The following FIG4 variants were observed in gnomAD, a reference collection of about 807,000 sequenced individuals.
FIG4 encodes the protein FIG4 phosphoinositide 5-phosphatase, also known as polyphosphoinositide phosphatase.
Under a neutral mutation model 118.6 loss-of-function variants are expected in FIG4, and 112 were observed. The ratio of observed to expected loss-of-function variants is 0.94; its 90% CI spans 0.81 to 1.11. The LOEUF (loss-of-function observed/expected upper bound fraction) is 1.11, where lower values mean the gene tolerates loss of function less well. Ranked by LOEUF, FIG4 falls within the 50% of genes least tolerant of loss-of-function variation. The pLI, the probability that FIG4 is intolerant of heterozygous loss-of-function variation, is 0.00. For synonymous variants in FIG4, 369 were observed against 381.2 expected, an observed-to-expected ratio of 0.97 and a Z score of 0.37; for missense variants, 969 against 1,111.7, an observed-to-expected ratio of 0.87 and a Z score of 1.83.
chr6:109,822,488 T>C (rs183934404), intron 22 of FIG4, among the ~76,000 whole-genome samples: 13 of 152,266 alleles, frequency 8.5e-5, no homozygotes, highest in African/African-American at 3.1e-4. Context: ...CTGAAAACTT[T>C]ACCAACCTTG....
At chr6:109,705,281 C>T (rs1195572663) in intron 1 of FIG4, among the ~76,000 whole-genome samples, 1 of 152,104 alleles carries the variant, frequency 6.6e-6, no homozygotes, top group Non-Finnish European at 1.5e-5. Flanking sequence ...GAAACAAGGC[C>T]TTTCTGGAAG....
chr6:109,754,731 G>A (rs1401979700), intron 10 of FIG4, among the ~76,000 whole-genome samples: 2 of 152,120 alleles, frequency 1.3e-5, no homozygotes, highest in Admixed American at 6.5e-5. Context: ...TTTGCGTAGA[G>A]GTGTTTGTAG....
intron 10 of FIG4, among the ~76,000 whole-genome samples, chr6:109,759,050 A>C (rs962219550): frequency 6.6e-6 from 1 of 152,200 alleles, no homozygotes; most frequent in Non-Finnish European, 1.5e-5. Flanking sequence ...TGATTCCTCA[A>C]GGATCTAGAA....
intron 8 of FIG4, among the ~76,000 whole-genome samples, chr6:109,742,057 C>T (rs1776340996): frequency 6.6e-6 from 1 of 151,986 alleles, no homozygotes; most frequent in Non-Finnish European, 1.5e-5. Context: ...GACTAATATG[C>T]AGATGTTCTG....
chr6:109,739,385 G>A (rs1776255717), intron 7 of FIG4, among the ~76,000 whole-genome samples: 1 of 152,178 alleles, frequency 6.6e-6, no homozygotes, highest in South Asian at 2.1e-4. Flanking sequence ...ATCACCTTTT[G>A]AGATCACGTA....
At chr6:109,706,613 A>G (rs2128379317) in intron 1 of FIG4, among the ~76,000 whole-genome samples, 1 of 152,288 alleles carries the variant, frequency 6.6e-6, no homozygotes, top group South Asian at 2.1e-4. Context: ...CCTCAAATAC[A>G]ATGGCATAGT....
At chr6:109,708,593 TA>T (rs1775162283) in intron 1 of FIG4, among the ~76,000 whole-genome samples, 2 of 152,344 alleles carry the variant, frequency 1.3e-5, no homozygotes, top group South Asian at 4.1e-4. Context: ...TAACAGTGTA[TA>T]AGTGTTCCTT....
intron 10 of FIG4, among the ~76,000 whole-genome samples, chr6:109,758,346 A>G (rs1324214006): frequency 6.6e-6 from 1 of 152,214 alleles, no homozygotes; most frequent in Non-Finnish European, 1.5e-5. Flanking sequence ...TGACAAAAGC[A>G]AGTAATGGGG....
chr6:109,707,028 C>T (rs537853513), intron 1 of FIG4, among the ~76,000 whole-genome samples: 1 of 152,224 alleles, frequency 6.6e-6, no homozygotes, highest in Non-Finnish European at 1.5e-5. Flanking sequence ...TCTAACTGCA[C>T]CCCCAGTACA....
At position 109,743,733 on chromosome 6, in the gene FIG4, G is replaced by C. The variant is rs140977049; in HGVS notation, c.1098G>C (p.Gln366His). The C allele has an allele frequency of 1.2e-6, 2 of 1,612,866 alleles. No individual in the cohort carries two copies. Among genetic ancestry groups the C allele is most frequent in the East Asian group, 2.2e-5 (1 of 44,872 alleles). The change falls in exon 10 of 23, where the codon CAG becomes CAC. Residue 366 changes from glutamine (Q) to histidine (H), a missense_variant. Physicochemically the swap from Gln to His is conservative, Grantham distance 24. Around this residue, in one of 3 missense-constraint regions of FIG4, gnomAD observed 246 missense variants for 354.3 expected, o/e 0.69. Transcript: ENST00000230124. ...CCCTTCACTTTGACCAGATGTTCCA[G>C]AGGTTTGGCTCTCCCATCATCATCT... is the stretch of plus-strand genomic sequence containing the variant. ...VAALHFDQMF[Q>H]RFGSPIIILN... is the part of the protein sequence containing the mutation.
At chr6:109,691,876 T>C (rs1259228285) in intron 1 of FIG4, among the ~76,000 whole-genome samples, 1 of 152,218 alleles carries the variant, frequency 6.6e-6, no homozygotes, top group African/African-American at 2.4e-5. Context: ...GGCAGGGGTA[T>C]GAAAAAAATT....
intron 8 of FIG4, among the ~76,000 whole-genome samples, chr6:109,742,138 G>C (rs1024974615): frequency 2.4e-4 from 37 of 152,058 alleles, no homozygotes; most frequent in South Asian, 2.1e-4. Flanking sequence ...TGGAGGGTGA[G>C]CCATTTCTAT....
At chr6:109,793,208 C>T (rs1053948821) in intron 21 of FIG4, among the ~76,000 whole-genome samples, 1 of 152,168 alleles carries the variant, frequency 6.6e-6, no homozygotes, top group African/African-American at 2.4e-5. Context: ...ACCAAAGTAC[C>T]AGTACATTCC....
intron 22 of FIG4, among the ~76,000 whole-genome samples, chr6:109,799,345 T>C (rs2128398860): frequency 6.6e-6 from 1 of 152,292 alleles, no homozygotes; most frequent in Admixed American, 6.5e-5. Context: ...TGCCCAAGAA[T>C]GTTTTTGGTG....
chr6:109,758,302 C>G (rs1443533422), intron 10 of FIG4, among the ~76,000 whole-genome samples: 1 of 152,114 alleles, frequency 6.6e-6, no homozygotes, highest in Non-Finnish European at 1.5e-5. Flanking sequence ...GAAATGACAC[C>G]ACACATCTAC....
chr6:109,800,244 GCT>G (rs1417726781), intron 22 of FIG4, among the ~76,000 whole-genome samples: 1 of 152,140 alleles, frequency 6.6e-6, no homozygotes. Context: ...GGGTAGCAAT[GCT>G]TTATTATTAG....
chr6:109,737,591 A>G (rs967092046), intron 6 of FIG4, among the ~76,000 whole-genome samples: 16 of 152,182 alleles, frequency 1.1e-4, no homozygotes, highest in African/African-American at 3.4e-4. Flanking sequence ...ATTAACTGCT[A>G]TTCAGAACCA....
intron 10 of FIG4, among the ~76,000 whole-genome samples, chr6:109,753,917 T>C (rs1291715797): frequency 6.6e-6 from 1 of 152,224 alleles, no homozygotes; most frequent in Non-Finnish European, 1.5e-5. Context: ...TTTTCCGAAT[T>C]GAATACCCTT....
At chr6:109,736,900 C>T (rs767977342) in intron 6 of FIG4, among the ~76,000 whole-genome samples, 1 of 152,098 alleles carries the variant, frequency 6.6e-6, no homozygotes, top group Non-Finnish European at 1.5e-5. Flanking sequence ...TTTCCATCTT[C>T]TGGGGGCTGC....
Sources: gnomAD v4.1 joint callset for allele counts (sites outside exome capture counted in the v4.1 genomes callset) on GRCh38, gnomAD v4.1.1 for gene constraint, gnomAD v4.1.1 regional missense constraint, MANE v1.5 for transcripts, NCBI Gene and HGNC (gene_info 2026-07-23, HGNC 2026-07-21) for gene names.